RABGAP1: variants seen among roughly 807,000 people sequenced by gnomAD.
RABGAP1 encodes RAB GTPase activating protein 1.
Under a neutral mutation model 137.6 loss-of-function variants are expected in RABGAP1, and 23 were observed. That is an observed-to-expected ratio of 0.17 (90% confidence interval 0.12 to 0.24). RABGAP1 has a LOEUF of 0.24. RABGAP1 is among the 10% of genes least tolerant of loss of function. The pLI, the probability that RABGAP1 is intolerant of heterozygous loss-of-function variation, is 1.00. For synonymous variants in RABGAP1, 451 were observed against 450.7 expected, an observed-to-expected ratio of 1.00 and a Z score of -0.01; for missense variants, 906 against 1,275.8, an observed-to-expected ratio of 0.71 and a Z score of 4.42.
intron 11 of RABGAP1, among the ~76,000 whole-genome samples, chr9:123,011,742 G>A (rs1799358102): frequency 6.6e-6 from 1 of 152,208 alleles, no homozygotes; most frequent in African/African-American, 2.4e-5. Context: ...ATCACTTGAA[G>A]TCAGGAGTTC....
intron 6 of RABGAP1, among the ~76,000 whole-genome samples, chr9:122,995,640 C>T (rs1410422541): frequency 2.2e-5 from 3 of 136,818 alleles, no homozygotes; most frequent in Non-Finnish European, 3.0e-5. Context: ...GCAAACTTGG[C>T]TCAGTGCAAC....
chr9:122,987,000 G>T (rs1288175449), intron 4 of RABGAP1, among the ~76,000 whole-genome samples: 2 of 152,026 alleles, frequency 1.3e-5, no homozygotes, highest in Non-Finnish European at 1.5e-5. Flanking sequence ...AGCCACGCAT[G>T]GTCATACACA....
chr9:123,099,709 C>T (rs1339040475), intron 24 of RABGAP1, among the ~76,000 whole-genome samples, 160 bp downstream of exon 24: 2 of 152,230 alleles, frequency 1.3e-5, no homozygotes, highest in South Asian at 4.1e-4. Flanking sequence ...ACTAACACTA[C>T]GCCTGTTTTC....
chr9:123,075,392 C>A (rs1027792774), intron 17 of RABGAP1, among the ~76,000 whole-genome samples: 2 of 152,172 alleles, frequency 1.3e-5, no homozygotes, highest in Admixed American at 1.3e-4. Flanking sequence ...TGAACATACA[C>A]ATCTGTACTA....
intron 23 of RABGAP1, 25 bp downstream of exon 23, chr9:123,098,823 G>T: frequency 1.3e-6 from 2 of 1,586,270 alleles, no homozygotes; most frequent in South Asian, 2.2e-5. Flanking sequence ...CCTGGGATTG[G>T]GCTGTGTAAT....
At chr9:123,050,722 A>C (rs563580313) in intron 13 of RABGAP1, among the ~76,000 whole-genome samples, 32 of 152,310 alleles carry the variant, frequency 2.1e-4, no homozygotes, top group Non-Finnish European at 4.0e-4. Flanking sequence ...TATAATTCCT[A>C]TTACTGATAT....
intron 13 of RABGAP1, among the ~76,000 whole-genome samples, chr9:123,038,150 T>G (rs1342842819): frequency 1.3e-5 from 2 of 152,154 alleles, no homozygotes; most frequent in African/African-American, 4.8e-5. Flanking sequence ...CAATTACAAA[T>G]GGACTAGTGT....
intron 14 of RABGAP1, among the ~76,000 whole-genome samples, chr9:123,068,467 G>A (rs1290967040): frequency 6.6e-6 from 1 of 152,058 alleles, no homozygotes; most frequent in African/African-American, 2.4e-5. Context: ...ACTGTTAATG[G>A]ATATCTTCAA....
chr9:123,039,423 G>C (rs1173325013), intron 13 of RABGAP1, among the ~76,000 whole-genome samples: 1 of 152,154 alleles, frequency 6.6e-6, no homozygotes, highest in African/African-American at 2.4e-5. Flanking sequence ...AAGTTTTATA[G>C]AATGAATAAA....
chr9:123,090,371 A>G lies in RABGAP1; in HGVS notation c.2614A>G (p.Lys872Glu). ...ELVTSKIALRKDLDNAEEKAD... is the reference protein window; with the variant it reads ...ELVTSKIALREDLDNAEEKAD... ...GGTGACCAGCAAGATTGCACTACGG[A>G]AGGACCTGGATAACGTAAGTCCAAC... The change falls in exon 21 of 26, where the codon AAG becomes GAG. Residue 872 changes from lysine to glutamate, a missense_variant. Lys to Glu is a moderately conservative substitution (Grantham distance 56). Transcript: ENST00000373647. The G allele has an allele frequency of 6.2e-7, 1 of 1,611,316 alleles. No homozygotes were observed. The highest frequency in any genetic ancestry group is 8.5e-7 in the Non-Finnish European group (1 of 1,178,228).
chr9:123,027,120 T>C (rs2032020003), intron 13 of RABGAP1, among the ~76,000 whole-genome samples: 1 of 148,918 alleles, frequency 6.7e-6, no homozygotes, highest in South Asian at 2.1e-4. Flanking sequence ...TTTTTTTTTT[T>C]TTTTTTTGAG....
At chr9:123,049,135 T>C (rs2033347490) in intron 13 of RABGAP1, among the ~76,000 whole-genome samples, 1 of 152,204 alleles carries the variant, frequency 6.6e-6, no homozygotes, top group Admixed American at 6.5e-5. Context: ...ACGTGTGGTA[T>C]AGATTGAACA....
chr9:122,994,676 C>T (rs949111866), intron 6 of RABGAP1, among the ~76,000 whole-genome samples: 10 of 152,112 alleles, frequency 6.6e-5, no homozygotes, highest in Non-Finnish European at 1.0e-4. Context: ...ACTAATGGTT[C>T]TATTGCCATT....
At chr9:123,065,693 G>C in intron 14 of RABGAP1, 1 of 452,182 alleles carries the variant, frequency 2.2e-6, no homozygotes, top group Non-Finnish European at 4.1e-6. Flanking sequence ...AGGATTTTTA[G>C]ATGACAGTTC....
Position 123,076,295 on chromosome 9 carries a change from T to C in RABGAP1, c.2295+9T>C. 6.2e-7 allele frequency: 1 copy of C among 1,604,346 alleles called. No homozygotes were observed. Among genetic ancestry groups the C allele is most frequent in the South Asian group, 1.1e-5 (1 of 90,294 alleles). On this transcript the variant is annotated intron_variant, in intron 18 of 25. Transcript: ENST00000373647. ...CCCTTGGATTATTAAAGGTACTCAT[T>C]TATTTATTAGCTGAGTTATCTGTCA...
At chr9:123,066,058 A>T (rs1238727422) in intron 14 of RABGAP1, among the ~76,000 whole-genome samples, 7 of 152,196 alleles carry the variant, frequency 4.6e-5, no homozygotes, top group Admixed American at 2.0e-4. Flanking sequence ...TGTTCTCAGA[A>T]TTAGTCTTCA....
At chr9:122,969,773 C>T (rs1835377494) in intron 2 of RABGAP1, among the ~76,000 whole-genome samples, 1 of 151,808 alleles carries the variant, frequency 6.6e-6, no homozygotes, top group Non-Finnish European at 1.5e-5. Flanking sequence ...CATATGTTGC[C>T]CAGATTAGTC....
At chr9:122,976,755 A>G (rs1356819760) in intron 2 of RABGAP1, among the ~76,000 whole-genome samples, 1 of 152,216 alleles carries the variant, frequency 6.6e-6, no homozygotes, top group East Asian at 1.9e-4. Flanking sequence ...GACTCTCTAA[A>G]CAAATATTTT....
At chr9:123,056,534 A>C (rs1483088886) in intron 13 of RABGAP1, among the ~76,000 whole-genome samples, 1 of 107,908 alleles carries the variant, frequency 9.3e-6, no homozygotes, top group Non-Finnish European at 1.9e-5. Context: ...GCAGAGTGGG[A>C]TTTGGCAGGG....
Sources: gnomAD v4.1 joint callset for allele counts (sites outside exome capture counted in the v4.1 genomes callset) on GRCh38, gnomAD v4.1.1 for gene constraint, MANE v1.5 for transcripts, NCBI Gene and HGNC (gene_info 2026-07-23, HGNC 2026-07-21) for gene names.